The following HAUS5 variants were observed in gnomAD, a reference collection of about 807,000 sequenced individuals.
HAUS5 encodes the protein HAUS augmin like complex subunit 5, also known as HAUS augmin-like complex subunit 5.
In HAUS5, 67 loss-of-function variants were observed where a neutral mutation model predicts 94.1. That is an observed-to-expected ratio of 0.71 (90% CI 0.58 to 0.87). HAUS5 has a LOEUF of 0.87. Among genes scored for constraint, HAUS5 ranks in the 40% least tolerant of loss-of-function variants. HAUS5 has a pLI of 0.00. For missense variants in HAUS5, 739 were observed against 825.6 expected (o/e 0.90, Z 1.29); for synonymous variants, 339 against 355.4 (o/e 0.95, Z 0.52).
In HAUS5 at chr19:35,620,099, C is replaced by A; in HGVS notation, c.1494C>A (p.His498Gln). The change falls in exon 16 of 19, where the codon CAC (histidine) becomes CAA (glutamine). Residue 498 changes from histidine (H) to glutamine (Q), a missense_variant. Coordinates refer to ENST00000203166, the MANE Select transcript of HAUS5 (RefSeq NM_015302.2). Reference protein sequence around the residue: ...PRGSSFIALSHKLGLPPGKAS... With the variant: ...PRGSSFIALSQKLGLPPGKAS... Reference sequence around the variant, plus strand: ...GCTCCAGCTTCATAGCGCTGAGCCACAAGCTGGGGCTGCCTCCAGGGAAGG... The same window carrying A: ...GCTCCAGCTTCATAGCGCTGAGCCAAAAGCTGGGGCTGCCTCCAGGGAAGG... The A allele has an allele frequency of 6.2e-7, 1 of 1,613,824 alleles. No individual in the cohort carries two copies. The highest frequency in any genetic ancestry group is 1.1e-5 in the South Asian group (1 of 91,072).
chr19:35,619,131 T>C, intron 13 of HAUS5, 82 bp downstream of exon 13: 2 of 1,375,560 alleles, frequency 1.5e-6, no homozygotes, highest in Non-Finnish European at 1.9e-6. Flanking sequence ...CTGAGCCCTG[T>C]GTGGTAGCAC....
intron 17 of HAUS5, among the ~76,000 whole-genome samples, chr19:35,621,090 G>A (rs1967202200): frequency 6.6e-6 from 1 of 152,204 alleles, no homozygotes; most frequent in African/African-American, 2.4e-5. Flanking sequence ...TCCCCAGATG[G>A]AAGTAAAGAG....
Position 35,614,070 on chromosome 19 carries a change from T to C in HAUS5, c.219+11T>C. 6.2e-7 allele frequency: 1 copy of C among 1,612,440 alleles called. No homozygotes were observed. The highest frequency in any genetic ancestry group is 8.5e-7 in the Non-Finnish European group (1 of 1,178,450). On this transcript the variant is annotated intron_variant, in intron 4 of 18. Coordinates refer to ENST00000203166, the MANE Select transcript of HAUS5 (RefSeq NM_015302.2). ...CAGGACAGTCCACAGGTGAGAAGCA[T>C]ATGCTACAAGATTCTCTTTCATCCG... is the stretch of plus-strand genomic sequence containing the variant.
At chr19:35,622,782 A>C (rs758363209) in intron 18 of HAUS5, 49 bp downstream of exon 18, 10 of 1,612,680 alleles carry the variant, frequency 6.2e-6, no homozygotes, top group Admixed American at 5.0e-5. Flanking sequence ...TCAGGACTCA[A>C]GCTGGGGGCC....
At chr19:35,613,993 A>G (rs2146333906) in intron 3 of HAUS5, 42 bp from the exon 4 acceptor site, 2 of 1,612,722 alleles carry the variant, frequency 1.2e-6, no homozygotes, top group Non-Finnish European at 1.7e-6. Flanking sequence ...CCTCCCCCCT[A>G]GAAGCCCCAC....
chr19:35,619,584 G>GCCGCCCC, intron 14 of HAUS5, 29 bp from the exon 15 acceptor site: 4 of 1,533,888 alleles, frequency 2.6e-6, no homozygotes, highest in Non-Finnish European at 2.7e-6. Flanking sequence ...ATGTTGTGAT[G>GCCGCCCC]CCCCACCCAC....
chr19:35,613,887 G>A lies in HAUS5; in HGVS notation c.181G>A (p.Gly61Arg). The change falls in exon 3 of 19, where the codon GGA becomes AGA. Residue 61 changes from glycine to arginine, a missense_variant. Coordinates refer to ENST00000203166, the MANE Select transcript of HAUS5 (RefSeq NM_015302.2). The part of the protein sequence containing the change: ...HSQRTVKKIR[G>R]NLLWYGHQDS... ...CTGTAGGACTGTCAAGAAGATCCGG[G>A]GAAACCTACTCTGGTAACTGCTTCT... 1.2e-6 allele frequency: 2 copies of A among 1,614,042 alleles called. No homozygotes were observed. Among genetic ancestry groups the A allele is most frequent in the Non-Finnish European group, 1.7e-6 (2 of 1,179,978 alleles).
In HAUS5 at chr19:35,622,638, G is replaced by T; in HGVS notation, c.1689G>T (p.Gln563His). 6.2e-7 allele frequency: 1 copy of T among 1,614,026 alleles called. No individual in the cohort carries two copies. The highest frequency in any genetic ancestry group is 1.1e-5 in the South Asian group (1 of 91,076). The change falls in exon 18 of 19, where the codon CAG (glutamine) becomes CAT (histidine). Residue 563 changes from glutamine to histidine, a missense_variant. Transcript: ENST00000203166. ...LQIQASQEKQQKENLGQALKR... is the reference protein window; with the variant it reads ...LQIQASQEKQHKENLGQALKR... The stretch of plus-strand genomic sequence containing the variant: ...TCCAGGCATCCCAGGAAAAACAGCA[G>T]AAAGAGAACCTGGGGCAGGCTCTGA...
Position 35,615,146 on chromosome 19 carries a change from G to A in HAUS5, c.324G>A (p.Gln108=), listed in dbSNP as rs2071930503. The A allele has an allele frequency of 1.9e-6, 3 of 1,610,366 alleles. No homozygotes were observed. The highest frequency in any genetic ancestry group is 1.7e-5 in the Admixed American group (1 of 59,510). The change falls in exon 5 of 19, where the codon CAG becomes CAA. Residue 108 remains glutamine, a splice_region_variant and synonymous_variant. Transcript: ENST00000203166. The stretch of plus-strand genomic sequence containing the variant: ...TGATGGAGCGAGACACTGAGGCTCA[G>A]GGTGAGCCATGGGGCCAGAAGATGG... ...LELMERDTEA[Q]DTAMEQARQH...
chr19:35,613,706 T>C, intron 1 of HAUS5, 24 bp from the exon 2 acceptor site: 1 of 1,610,384 alleles, frequency 6.2e-7, no homozygotes. Context: ...GCCCCAGGCA[T>C]ATGCTTACAC....
At position 35,617,172 on chromosome 19, in the gene HAUS5, G is replaced by A. The variant is rs780023990; in HGVS notation, c.534G>A (p.Leu178=). 83 of 1,613,948 alleles carry A rather than the reference G, an allele frequency of 5.1e-5. No homozygotes were observed. The highest frequency in any genetic ancestry group is 3.8e-4 in the Admixed American group (23 of 60,006). The change falls in exon 7 of 19, where the codon CTG becomes CTA. Residue 178 remains leucine, a synonymous_variant. Transcript: ENST00000203166. The part of the protein sequence containing the change: ...VTFGSLTSAA[L]GLEPVVLRDV... ...TTGGATCCCTCACGTCGGCAGCTCT[G>A]GGCCTGGAGCCCGTGGTCCTGGTAA...
Position 35,614,883 on chromosome 19 carries a change from G to A in HAUS5, c.220-159G>A, listed in dbSNP as rs562488613. 7.2e-5 allele frequency among the ~76,000 whole-genome samples: 11 copies of A among 152,252 alleles called. No homozygotes were observed. In the East Asian group the frequency reaches 1.4e-3, roughly 19 times the overall value. ...AAGTGTGGGTAAGACAATCCTAGGA[G>A]GAAGGAGGGAGGGAGCCAATACCCT... is the stretch of plus-strand genomic sequence containing the variant. On this transcript the variant is annotated intron_variant, in intron 4 of 18. Transcript: ENST00000203166.
chr19:35,615,778 C>T (rs1231359799), intron 6 of HAUS5, among the ~76,000 whole-genome samples: 1 of 152,088 alleles, frequency 6.6e-6, no homozygotes, highest in South Asian at 2.1e-4. Flanking sequence ...GGGTGGTCAG[C>T]GAAGGCCTCT....
chr19:35,615,175 C>T, intron 5 of HAUS5, 28 bp downstream of exon 5: 1 of 1,611,526 alleles, frequency 6.2e-7, no homozygotes, highest in South Asian at 1.1e-5. Flanking sequence ...AAGATGGGCA[C>T]CAGAATGTGG....
In HAUS5 at chr19:35,613,854, C is replaced by T; in HGVS notation, c.162-14C>T. 6.2e-7 allele frequency: 1 copy of T among 1,614,064 alleles called. No individual in the cohort carries two copies. The highest frequency in any genetic ancestry group is 8.5e-7 in the Non-Finnish European group (1 of 1,179,960). ...AGGCCCATAGTAACTCCTCTTTCTG[C>T]CTCTGCACTGTAGGACTGTCAAGAA... is the stretch of plus-strand genomic sequence containing the variant. On this transcript the variant is annotated splice_polypyrimidine_tract_variant and intron_variant, in intron 2 of 18. Transcript: ENST00000203166.
rs542711491 is a variant in HAUS5, at chr19:35,623,755, G to C, written c.*762G>C. 6.6e-6 allele frequency: 1 copy of C among 152,352 alleles called. No individual in the cohort carries two copies. The highest frequency in any genetic ancestry group is 2.4e-5 in the African/African-American group (1 of 41,566). 9.4% of individuals were successfully genotyped at this position (152,352 alleles called of 1,614,324 possible). ...GAGTGGCAGTTGCCTCTGAGGGAAGGTGGGTGGCAGGGATCAACTGAGGAG... is the reference window on the plus strand; with the variant it reads ...GAGTGGCAGTTGCCTCTGAGGGAAGCTGGGTGGCAGGGATCAACTGAGGAG... On this transcript the variant is annotated 3_prime_UTR_variant, in exon 19 of 19. Coordinates refer to ENST00000203166, the MANE Select transcript of HAUS5 (RefSeq NM_015302.2).
At position 35,618,201 on chromosome 19, in the gene HAUS5, G is replaced by A. The variant is rs1283829923; in HGVS notation, c.821+6G>A. The A allele has an allele frequency of 1.3e-6, 2 of 1,597,526 alleles. No homozygotes were observed. The highest frequency in any genetic ancestry group is 1.3e-5 in the African/African-American group (1 of 74,690). Reference sequence around the variant, plus strand: ...GGCGACACAGAGATATCCAGGTGTGGGGCAGGGTATTCTCACAGTTGGGGA... The same window carrying A: ...GGCGACACAGAGATATCCAGGTGTGAGGCAGGGTATTCTCACAGTTGGGGA... On this transcript the variant is annotated splice_donor_region_variant and intron_variant, in intron 10 of 18. Transcript: ENST00000203166.
At position 35,623,173 on chromosome 19, in the gene HAUS5, C is replaced by T; in HGVS notation, c.*180C>T. 1.7e-6 allele frequency: 1 copy of T among 592,986 alleles called. No individual in the cohort carries two copies. The highest frequency in any genetic ancestry group is 2.0e-5 in the South Asian group (1 of 49,342). 36.7% of individuals were successfully genotyped at this position (592,986 alleles called of 1,614,324 possible). On this transcript the variant is annotated 3_prime_UTR_variant, in exon 19 of 19. Coordinates refer to ENST00000203166, the MANE Select transcript of HAUS5 (RefSeq NM_015302.2). Reference sequence around the variant, plus strand: ...CAGCTCCTGGACCCTGTCCTTTCATCCCGCTAAAGCACCCCCTAAAACCCC... The same window carrying T: ...CAGCTCCTGGACCCTGTCCTTTCATTCCGCTAAAGCACCCCCTAAAACCCC...
rs779972604 is a variant in HAUS5, at chr19:35,618,553, T to C, written c.886-16T>C. On this transcript the variant is annotated splice_polypyrimidine_tract_variant and intron_variant, in intron 11 of 18. Coordinates refer to ENST00000203166, the MANE Select transcript of HAUS5 (RefSeq NM_015302.2). The stretch of plus-strand genomic sequence containing the variant: ...TCATGCCCTGGGTGTACCCTGATTC[T>C]GTACCCCGCTTGCAGGAGGGCTGGC... 6 of 1,606,580 alleles carry C rather than the reference T, an allele frequency of 3.7e-6. No individual in the cohort carries two copies. The African/African-American group carries it at 5.3e-5, about 14-fold the overall frequency.
Sources: allele counts gnomAD v4.1 joint callset (sites outside exome capture counted in the v4.1 genomes callset), GRCh38; gene constraint gnomAD v4.1.1; transcripts MANE v1.5; gene names NCBI Gene and HGNC (gene_info 2026-07-23, HGNC 2026-07-21).